Variants in LAMA3 observed in about 807,000 individuals in gnomAD.
LAMA3 encodes laminin subunit alpha 3.
In LAMA3, 281 loss-of-function variants were observed where a neutral mutation model predicts 402.0. The ratio of observed to expected loss-of-function variants is 0.70; its 90% CI spans 0.63 to 0.77. LAMA3 has a LOEUF of 0.77. Among genes scored for constraint, LAMA3 ranks in the 30% least tolerant of loss-of-function variants. LAMA3 has a pLI of 0.00. For missense variants in LAMA3, 3,840 were observed against 4,215.5 expected, an observed-to-expected ratio of 0.91 and a Z score of 2.47; for synonymous variants, 1,431 against 1,558.4, an observed-to-expected ratio of 0.92 and a Z score of 1.93.
At chr18:23,809,438 A>G (rs2063023834) in intron 12 of LAMA3, among the ~76,000 whole-genome samples, 2 of 152,212 alleles carry the variant, frequency 1.3e-5, no homozygotes, top group South Asian at 4.1e-4. Flanking sequence ...TGCTCTCTCT[A>G]GTTTCTTTCA....
In LAMA3 at chr18:23,945,981, C is replaced by T. The variant is rs762468924; in HGVS notation, c.9211-163C>T. ...CAGTATTTCACATAATCTCACAAAACGATGGTGATAGTGATAACCGGAGGA... is the reference window on the plus strand; with the variant it reads ...CAGTATTTCACATAATCTCACAAAATGATGGTGATAGTGATAACCGGAGGA... On this transcript the variant is annotated intron_variant, in intron 69 of 74. Coordinates refer to ENST00000313654, the MANE Select transcript of LAMA3 (RefSeq NM_198129.4). Among the ~76,000 whole-genome samples the T allele has an allele frequency of 3.3e-5, 5 of 151,866 alleles. No individual in the cohort carries two copies. The East Asian group carries it at 5.8e-4, about 18-fold the overall frequency.
intron 1 of LAMA3, among the ~76,000 whole-genome samples, chr18:23,695,386 G>C (rs1399714396): frequency 6.6e-6 from 1 of 152,186 alleles, no homozygotes; most frequent in African/African-American, 2.4e-5. Context: ...GCAGCAGAGA[G>C]GGGACCCTGC....
intron 14 of LAMA3, among the ~76,000 whole-genome samples, chr18:23,813,455 T>A (rs1196217467): frequency 6.6e-6 from 1 of 151,974 alleles, no homozygotes; most frequent in Admixed American, 6.6e-5. Context: ...TTAAATAAAG[T>A]TGGCTGTGTA....
intron 20 of LAMA3, among the ~76,000 whole-genome samples, 156 bp downstream of exon 20, chr18:23,822,531 A>G (rs943280707): frequency 2.6e-5 from 4 of 152,174 alleles, no homozygotes; most frequent in Non-Finnish European, 4.4e-5. Flanking sequence ...GTCGTTTGTT[A>G]CCTTGCATTC....
chr18:23,812,997 A>G (rs2063103236), intron 13 of LAMA3, 60 bp from the exon 14 acceptor site: 1 of 1,181,848 alleles, frequency 8.5e-7, no homozygotes. Flanking sequence ...AACTTGAAAC[A>G]TCAAAACAAA....
At chr18:23,885,191 C>G (rs555405045) in intron 41 of LAMA3, among the ~76,000 whole-genome samples, 2 of 150,952 alleles carry the variant, frequency 1.3e-5, no homozygotes, top group African/African-American at 2.4e-5. Context: ...CTGCATACCC[C>G]CTATTTCGAC....
chr18:23,814,598 T>A, intron 15 of LAMA3, 96 bp downstream of exon 15: 2 of 803,540 alleles, frequency 2.5e-6, no homozygotes, highest in South Asian at 2.9e-5. Flanking sequence ...ATTTGTTGAA[T>A]CACTTCAATT....
intron 60 of LAMA3, among the ~76,000 whole-genome samples, chr18:23,919,144 ACT>A (rs1242335766): frequency 6.6e-6 from 1 of 152,182 alleles, no homozygotes; most frequent in Non-Finnish European, 1.5e-5. Flanking sequence ...ATGGCTCATG[ACT>A]CTCAGTAAAT....
chr18:23,912,333 G>T (rs973106621), intron 55 of LAMA3, among the ~76,000 whole-genome samples: 1 of 151,762 alleles, frequency 6.6e-6, no homozygotes, highest in Non-Finnish European at 1.5e-5. Flanking sequence ...ATGTCTGATT[G>T]TATGCCAGGC....
chr18:23,854,590 G>A (rs546782814), intron 32 of LAMA3, among the ~76,000 whole-genome samples: 2 of 151,886 alleles, frequency 1.3e-5, no homozygotes, highest in South Asian at 4.2e-4. Context: ...GCAGTGAGCC[G>A]AGATTGCGCC....
At chr18:23,692,428 C>G (rs1011301165) in intron 1 of LAMA3, among the ~76,000 whole-genome samples, 1 of 152,128 alleles carries the variant, frequency 6.6e-6, no homozygotes, top group Admixed American at 6.6e-5. Flanking sequence ...CCTGCCACCA[C>G]GCCCAGCTAA....
intron 29 of LAMA3, 68 bp from the exon 30 acceptor site, chr18:23,844,941 T>C (rs906853739): frequency 2.2e-6 from 2 of 913,720 alleles, no homozygotes; most frequent in Non-Finnish European, 3.7e-6. Context: ...GCTCAACCTG[T>C]ATAATAAGTA....
chr18:23,913,013 A>G (rs1271108092), intron 56 of LAMA3, 132 bp downstream of exon 56: 1 of 860,244 alleles, frequency 1.2e-6, no homozygotes, highest in African/African-American at 1.7e-5. Flanking sequence ...ACATCGACAA[A>G]TCCCTCCAGC....
intron 23 of LAMA3, among the ~76,000 whole-genome samples, chr18:23,831,973 G>A (rs1181928085): frequency 6.6e-6 from 1 of 152,160 alleles, no homozygotes; most frequent in African/African-American, 2.4e-5. Context: ...AATCATAACA[G>A]CAAGCAGTAA....
At chr18:23,840,033 C>T (rs2063663944) in intron 27 of LAMA3, 104 bp downstream of exon 27, 1 of 1,216,534 alleles carries the variant, frequency 8.2e-7, no homozygotes, top group Non-Finnish European at 1.2e-6. Flanking sequence ...CACAGACCCA[C>T]TACAGACCTA....
chr18:23,690,574 G>A (rs1221718516), intron 1 of LAMA3, among the ~76,000 whole-genome samples: 1 of 152,156 alleles, frequency 6.6e-6, no homozygotes, highest in Non-Finnish European at 1.5e-5. Flanking sequence ...GCCTCACCGC[G>A]AACACCCGGG....
intron 56 of LAMA3, 78 bp downstream of exon 56, chr18:23,912,959 G>T: frequency 1.5e-6 from 2 of 1,297,166 alleles, no homozygotes; most frequent in Middle Eastern, 4.1e-4. Flanking sequence ...GTGTGGCACG[G>T]CTGCATCACT....
intron 12 of LAMA3, among the ~76,000 whole-genome samples, chr18:23,794,396 A>C (rs1277358715): frequency 6.6e-6 from 1 of 152,222 alleles, no homozygotes; most frequent in Non-Finnish European, 1.5e-5. Context: ...ACCGCTATAT[A>C]TCATGATACC....
chr18:23,807,866 C>A (rs1331043384), intron 12 of LAMA3, among the ~76,000 whole-genome samples: 1 of 152,202 alleles, frequency 6.6e-6, no homozygotes, highest in Non-Finnish European at 1.5e-5. Context: ...ACAAAATTAA[C>A]CACTGTAGAA....
Sources: allele counts gnomAD v4.1 joint callset (sites outside exome capture counted in the v4.1 genomes callset), GRCh38; gene constraint gnomAD v4.1.1; transcripts MANE v1.5; gene names NCBI Gene and HGNC (gene_info 2026-07-23, HGNC 2026-07-21).